The following GNAZ variants were observed in gnomAD, a reference collection of about 807,000 sequenced individuals.
The protein encoded by GNAZ is guanine nucleotide-binding protein G(z) subunit alpha.
GNAZ carries 3 observed loss-of-function variants against 25.4 expected under a neutral mutation model. The ratio of observed to expected loss-of-function variants is 0.12; its 90% CI spans 0.05 to 0.30. The LOEUF is 0.30. Among genes scored for constraint, GNAZ ranks in the 10% least tolerant of loss-of-function variants. The pLI is 1.00. For synonymous variants in GNAZ, 211 were observed against 205.7 expected (o/e 1.03, Z -0.22); for missense variants, 241 against 501.8 (o/e 0.48, Z 4.97).
intron 2 of GNAZ, among the ~76,000 whole-genome samples, chr22:23,117,370 A>G (rs1034330951): frequency 6.6e-6 from 1 of 152,252 alleles, no homozygotes; most frequent in Admixed American, 6.5e-5. Context: ...AAGGGGCCAC[A>G]GGAGCCTCCC....
chr22:23,073,610 C>T (rs536907854), intron 1 of GNAZ, among the ~76,000 whole-genome samples: 93 of 152,338 alleles, frequency 6.1e-4, no homozygotes, highest in South Asian at 4.1e-3. Context: ...CCCTTTCGTG[C>T]GAACACCGCC....
At chr22:23,112,552 A>G (rs1036890308) in intron 2 of GNAZ, among the ~76,000 whole-genome samples, 6 of 152,184 alleles carry the variant, frequency 3.9e-5, no homozygotes, top group African/African-American at 1.2e-4. Flanking sequence ...GACACTTAGC[A>G]GGAGGCTGGG....
chr22:23,123,188 G>A lies in GNAZ; in HGVS notation c.825G>A (p.Leu275=). 6.2e-7 allele frequency: 1 copy of A among 1,614,018 alleles called. No homozygotes were observed. The highest frequency in any genetic ancestry group is 1.1e-5 in the South Asian group (1 of 91,082). ...LILFLNKKDL[L]AEKIRRIPLT... ...TCTTCCTGAACAAGAAGGACCTGCT[G>A]GCAGAGAAGATCCGCCGCATCCCGC... Residue 275 remains leucine (L), a synonymous_variant, in exon 3 of 3, where the codon CTG becomes CTA. Coordinates refer to ENST00000615612, the MANE Select transcript of GNAZ (RefSeq NM_002073.4).
chr22:23,075,786 CTT>C (rs1352807754), intron 1 of GNAZ, among the ~76,000 whole-genome samples: 2 of 152,180 alleles, frequency 1.3e-5, no homozygotes, highest in Non-Finnish European at 2.9e-5. Context: ...TAGAGCAAAC[CTT>C]TCAGGAGACC....
chr22:23,077,911 A>G (rs1053735472), intron 1 of GNAZ, among the ~76,000 whole-genome samples: 1 of 152,092 alleles, frequency 6.6e-6, no homozygotes, highest in Non-Finnish European at 1.5e-5. Context: ...CCCTACCCCT[A>G]ACTGTGGCCA....
chr22:23,109,476 G>A (rs1306395362), intron 2 of GNAZ, among the ~76,000 whole-genome samples: 2 of 152,180 alleles, frequency 1.3e-5, no homozygotes, highest in Non-Finnish European at 2.9e-5. Context: ...AGAGGGGTGG[G>A]TGCTGAGCCA....
intron 2 of GNAZ, among the ~76,000 whole-genome samples, chr22:23,120,376 G>C (rs1308210260): frequency 2.6e-5 from 4 of 152,072 alleles, no homozygotes; most frequent in Non-Finnish European, 5.9e-5. Flanking sequence ...GGGTCCACGT[G>C]GTCTATCGGC....
At chr22:23,121,595 A>G (rs1254209171) in intron 2 of GNAZ, among the ~76,000 whole-genome samples, 1 of 152,160 alleles carries the variant, frequency 6.6e-6, no homozygotes, top group Non-Finnish European at 1.5e-5. Flanking sequence ...AGCTGTGGTT[A>G]CCAGCGTCAT....
intron 2 of GNAZ, among the ~76,000 whole-genome samples, chr22:23,111,998 C>G (rs1015087924): frequency 3.3e-5 from 5 of 152,198 alleles, no homozygotes; most frequent in Non-Finnish European, 7.4e-5. Context: ...TCCTCTGTCC[C>G]TTGCAGCCTT....
At chr22:23,088,135 A>G (rs892776885) in intron 1 of GNAZ, among the ~76,000 whole-genome samples, 2 of 152,242 alleles carry the variant, frequency 1.3e-5, no homozygotes, top group African/African-American at 4.8e-5. Context: ...TCACTGTCTC[A>G]GTCATAATTT....
chr22:23,123,066 C>G, intron 2 of GNAZ, 21 bp from the exon 3 acceptor site: 1 of 1,548,702 alleles, frequency 6.5e-7, no homozygotes, highest in Non-Finnish European at 8.9e-7. Context: ...CTGATTAACG[C>G]CAGTACTTTC....
At chr22:23,094,718 T>A (rs2069075023) in intron 1 of GNAZ, among the ~76,000 whole-genome samples, 1 of 152,214 alleles carries the variant, frequency 6.6e-6, no homozygotes, top group South Asian at 2.1e-4. Flanking sequence ...CAGAGTGCCC[T>A]CAAGGGAAAG....
chr22:23,087,391 G>A (rs2068849065), intron 1 of GNAZ, among the ~76,000 whole-genome samples: 1 of 152,304 alleles, frequency 6.6e-6, no homozygotes, highest in African/African-American at 2.4e-5. Context: ...TTGAGCCCGG[G>A]GGGTTGAGGC....
At chr22:23,076,283 G>T (rs2146255902) in intron 1 of GNAZ, among the ~76,000 whole-genome samples, 1 of 152,332 alleles carries the variant, frequency 6.6e-6, no homozygotes, top group Middle Eastern at 3.4e-3. Flanking sequence ...GTTTGTGTAA[G>T]CTCCATGAGG....
intron 1 of GNAZ, among the ~76,000 whole-genome samples, chr22:23,080,674 A>G (rs1215319976): frequency 6.6e-6 from 1 of 152,248 alleles, no homozygotes; most frequent in Admixed American, 6.5e-5. Flanking sequence ...AGTGGCTGCA[A>G]AGAGCCCACA....
intron 1 of GNAZ, among the ~76,000 whole-genome samples, chr22:23,077,715 C>T (rs531192467): frequency 2.6e-5 from 4 of 152,140 alleles, no homozygotes; most frequent in Non-Finnish European, 5.9e-5. Context: ...AGCAGCTAAT[C>T]AGGCTTCCCC....
intron 2 of GNAZ, among the ~76,000 whole-genome samples, chr22:23,113,015 G>A (rs1345199487): frequency 1.3e-5 from 2 of 152,258 alleles, no homozygotes; most frequent in East Asian, 1.9e-4. Flanking sequence ...ACCAGAAGAA[G>A]GGGACCTGCT....
intron 1 of GNAZ, among the ~76,000 whole-genome samples, chr22:23,080,211 T>G (rs1323890200): frequency 2.6e-5 from 4 of 152,256 alleles, no homozygotes; most frequent in African/African-American, 7.2e-5. Context: ...AATATCTGGC[T>G]TGATTTCCTC....
At chr22:23,113,757 G>A (rs905197773) in intron 2 of GNAZ, among the ~76,000 whole-genome samples, 1 of 152,244 alleles carries the variant, frequency 6.6e-6, no homozygotes, top group Non-Finnish European at 1.5e-5. Flanking sequence ...GGGAATGCCT[G>A]TGTCCCAGAC....
Sources: allele counts gnomAD v4.1 joint callset (sites outside exome capture counted in the v4.1 genomes callset), GRCh38; gene constraint gnomAD v4.1.1; transcripts MANE v1.5; gene names NCBI Gene and HGNC (gene_info 2026-07-23, HGNC 2026-07-21).